Variants in COX7B2 observed in about 807,000 individuals in gnomAD.
COX7B2 encodes the protein cytochrome c oxidase subunit 7B2, mitochondrial.
For synonymous variants in COX7B2, 37 were observed against 32.1 expected, an observed-to-expected ratio of 1.15 and a Z score of -0.51; for missense variants, 109 against 95.9, an observed-to-expected ratio of 1.14 and a Z score of -0.57.
At chr4:46,807,115 T>C (rs1459463499) in intron 2 of COX7B2, among the ~76,000 whole-genome samples, 1 of 151,900 alleles carries the variant, frequency 6.6e-6, no homozygotes, top group Non-Finnish European at 1.5e-5. Flanking sequence ...ATAATGGCCA[T>C]ACTAATCGAC....
At chr4:46,769,028 G>C (rs1199945150) in intron 2 of COX7B2, among the ~76,000 whole-genome samples, 1 of 151,912 alleles carries the variant, frequency 6.6e-6, no homozygotes, top group Non-Finnish European at 1.5e-5. Flanking sequence ...AATCTGAATG[G>C]ACCCTCCCAA....
intron 1 of COX7B2, among the ~76,000 whole-genome samples, chr4:46,853,126 C>T (rs1186077926): frequency 6.6e-6 from 1 of 152,078 alleles, no homozygotes; most frequent in Non-Finnish European, 1.5e-5. Context: ...AAAACGTGAC[C>T]AGAGGCTCAT....
intron 2 of COX7B2, among the ~76,000 whole-genome samples, chr4:46,809,188 T>C (rs769666519): frequency 6.6e-6 from 1 of 151,842 alleles, no homozygotes; most frequent in East Asian, 1.9e-4. Context: ...TTTGGTTTCA[T>C]TCATTTAAGT....
In COX7B2 at chr4:46,785,375, A is replaced by ATTT. The variant is rs879697478; in HGVS notation, c.-49-50137_-49-50135dup. Among the ~76,000 whole-genome samples the ATTT allele has an allele frequency of 1.7e-4, 25 of 143,604 alleles. 1 individual carries two copies. Among genetic ancestry groups the ATTT allele is most frequent in the African/African-American group, 5.1e-4 (20 of 39,354 alleles). 94.2% of individuals were successfully genotyped at this position (143,604 alleles called of 152,430 possible). ...GAATTCCACAAAATCTGATAGAGCA[A>ATTT]TTTTTTTTTTTTTTTTGAGACGGAG... is the stretch of plus-strand genomic sequence containing the variant. On this transcript the variant is annotated intron_variant, in intron 2 of 2. Coordinates refer to ENST00000355591, the MANE Select transcript of COX7B2 (RefSeq NM_130902.3).
Position 46,734,894 on chromosome 4 carries a change from T to C in COX7B2, c.*53A>G. 6.2e-7 allele frequency: 1 copy of C among 1,601,602 alleles called. No homozygotes were observed. Reference sequence around the variant, plus strand: ...ATATTTTAATAAGCAGTAGAGTGCTTACATGACAAGTTGGTTTTTTAAACA... The same window carrying C: ...ATATTTTAATAAGCAGTAGAGTGCTCACATGACAAGTTGGTTTTTTAAACA... On this transcript the variant is annotated 3_prime_UTR_variant, in exon 3 of 3. Transcript: ENST00000355591.
intron 2 of COX7B2, among the ~76,000 whole-genome samples, chr4:46,774,488 T>C (rs1717048234): frequency 6.6e-6 from 1 of 152,106 alleles, no homozygotes; most frequent in Non-Finnish European, 1.5e-5. Flanking sequence ...TTGGCATCAA[T>C]GTAGGGGACG....
At chr4:46,878,098 T>A (rs533309784) in intron 1 of COX7B2, among the ~76,000 whole-genome samples, 20 of 152,056 alleles carry the variant, frequency 1.3e-4, no homozygotes, top group African/African-American at 4.1e-4. Context: ...TTCTATGACA[T>A]GAACGTTCCT....
chr4:46,775,313 T>G (rs1717096140), intron 2 of COX7B2, among the ~76,000 whole-genome samples: 1 of 152,124 alleles, frequency 6.6e-6, no homozygotes, highest in Non-Finnish European at 1.5e-5. Context: ...AGTGTTACGG[T>G]CATATGTTGT....
At chr4:46,746,753 C>T (rs946001618) in intron 2 of COX7B2, among the ~76,000 whole-genome samples, 1 of 152,120 alleles carries the variant, frequency 6.6e-6, no homozygotes, top group African/African-American at 2.4e-5. Context: ...ATAAAAGTTG[C>T]CCTTTCCAAG....
At chr4:46,797,462 C>G (rs966358514) in intron 2 of COX7B2, among the ~76,000 whole-genome samples, 3 of 152,278 alleles carry the variant, frequency 2.0e-5, no homozygotes, top group South Asian at 2.1e-4. Context: ...CTGGAATGTA[C>G]AATTGGAACG....
chr4:46,852,637 C>T (rs190393887), intron 1 of COX7B2, among the ~76,000 whole-genome samples: 153 of 152,104 alleles, frequency 1.0e-3, no homozygotes, highest in African/African-American at 3.5e-3. Flanking sequence ...TTGACCTATT[C>T]ATTAAAATTT....
intron 2 of COX7B2, among the ~76,000 whole-genome samples, chr4:46,841,335 C>CTGTGTGTG (rs145768502): frequency 0.059 from 8,179 of 139,772 alleles, 311 homozygotes; most frequent in East Asian, 0.14. Flanking sequence ...CAAATGTGCT[C>CTGTGTGTG]TGTGTGTGTG....
At chr4:46,747,538 G>A (rs1213632216) in intron 2 of COX7B2, among the ~76,000 whole-genome samples, 6 of 151,914 alleles carry the variant, frequency 3.9e-5, no homozygotes, top group African/African-American at 1.5e-4. Context: ...TCTTGACCTC[G>A]TGATCCACCC....
chr4:46,762,945 T>C (rs1379126500), intron 2 of COX7B2, among the ~76,000 whole-genome samples: 1 of 142,508 alleles, frequency 7.0e-6, no homozygotes, highest in South Asian at 2.1e-4. Flanking sequence ...ATACCACATA[T>C]ATATGTCATA....
chr4:46,807,513 T>C (rs1719066277), intron 2 of COX7B2, among the ~76,000 whole-genome samples: 1 of 151,948 alleles, frequency 6.6e-6, no homozygotes, highest in Non-Finnish European at 1.5e-5. Flanking sequence ...TTTAGTTTGA[T>C]GTAGTCTCAT....
chr4:46,739,343 CCAAAACAAAA>C (rs372769147), intron 2 of COX7B2, among the ~76,000 whole-genome samples: 44 of 151,410 alleles, frequency 2.9e-4, no homozygotes, highest in South Asian at 2.5e-3. Flanking sequence ...CCAAACCAAA[CCAAAACAAAA>C]CAAAACAAAA....
intron 1 of COX7B2, among the ~76,000 whole-genome samples, chr4:46,861,358 A>T (rs1717324151): frequency 6.6e-6 from 1 of 152,152 alleles, no homozygotes; most frequent in South Asian, 2.1e-4. Flanking sequence ...TCTTGAGAAA[A>T]AGTAGGTGGG....
intron 2 of COX7B2, among the ~76,000 whole-genome samples, chr4:46,770,712 C>A (rs907759940): frequency 6.6e-6 from 1 of 151,812 alleles, no homozygotes; most frequent in African/African-American, 2.4e-5. Flanking sequence ...AAGTATCAAT[C>A]ACATAAAATG....
intron 1 of COX7B2, among the ~76,000 whole-genome samples, chr4:46,900,518 C>G (rs1720017244): frequency 6.6e-6 from 1 of 152,040 alleles, no homozygotes; most frequent in Non-Finnish European, 1.5e-5. Context: ...GGTCTTATTT[C>G]TCATTAAGAA....
Sources: allele counts gnomAD v4.1 joint callset (sites outside exome capture counted in the v4.1 genomes callset), GRCh38; gene constraint gnomAD v4.1.1; transcripts MANE v1.5; gene names NCBI Gene and HGNC (gene_info 2026-07-23, HGNC 2026-07-21).